Variants in GRM7 observed in about 807,000 individuals in gnomAD.
The protein encoded by GRM7 is metabotropic glutamate receptor 7.
GRM7 carries 35 observed loss-of-function variants against 84.5 expected under a neutral mutation model. The ratio of observed to expected loss-of-function variants is 0.41; its 90% CI spans 0.32 to 0.55. GRM7 has a LOEUF of 0.55. Ranked by LOEUF, GRM7 falls within the 20% of genes least tolerant of loss-of-function variation. The pLI is 0.19. For synonymous variants in GRM7, 487 were observed against 455.1 expected (o/e 1.07, Z -0.89); for missense variants, 1,003 against 1,194.6 (o/e 0.84, Z 2.36).
rs185254797 is a variant in GRM7, at chr3:7,099,469, A to G, written c.520-46983A>G. 7.9e-4 allele frequency among the ~76,000 whole-genome samples: 113 copies of G among 143,330 alleles called. 2 individuals are homozygous for G. The highest frequency in any genetic ancestry group is 3.6e-3 in the Middle Eastern group (1 of 276). 94.0% of individuals were successfully genotyped at this position (143,330 alleles called of 152,430 possible). ...TATGTACATGTACATACAAATACATATACACATATATGTATATGTACACGC... is the reference window on the plus strand; with the variant it reads ...TATGTACATGTACATACAAATACATGTACACATATATGTATATGTACACGC... On this transcript the variant is annotated intron_variant, in intron 1 of 9. Coordinates refer to ENST00000357716, the MANE Select transcript of GRM7 (RefSeq NM_000844.4).
intron 1 of GRM7, among the ~76,000 whole-genome samples, chr3:6,924,960 A>G (rs1434393694): frequency 6.6e-6 from 1 of 152,168 alleles, no homozygotes; most frequent in African/African-American, 2.4e-5. Flanking sequence ...CTTGTTTCAT[A>G]ATATAGGGAC....
chr3:6,935,959 T>A (rs921047289), intron 1 of GRM7, among the ~76,000 whole-genome samples: 6 of 152,110 alleles, frequency 3.9e-5, no homozygotes, highest in Non-Finnish European at 8.8e-5. Context: ...TCTACCCACC[T>A]CGGACTCCCT....
chr3:7,334,138 T>G (rs1412088376), intron 4 of GRM7, among the ~76,000 whole-genome samples: 1 of 151,990 alleles, frequency 6.6e-6, no homozygotes, highest in Non-Finnish European at 1.5e-5. Flanking sequence ...AAAAAGATGA[T>G]CACCTAGGCA....
rs116164675 is a variant in GRM7 at position 7,401,441 on chromosome 3, A to G, written c.1034-13582A>G. On this transcript the variant is annotated intron_variant, in intron 4 of 9. Coordinates refer to ENST00000357716, the MANE Select transcript of GRM7 (RefSeq NM_000844.4). ...ATGTTGCCATATGGCTTGAATACCA[A>G]GTTCATCCCATTGCTCTCTCTAAAA... is the stretch of plus-strand genomic sequence containing the variant. Among the ~76,000 whole-genome samples, 873 of 152,260 alleles carry G rather than the reference A, an allele frequency of 5.7e-3. 10 individuals are homozygous for G. The highest frequency in any genetic ancestry group is 0.019 in the African/African-American group (805 of 41,548).
At chr3:7,065,842 C>T (rs1210588450) in intron 1 of GRM7, among the ~76,000 whole-genome samples, 1 of 151,678 alleles carries the variant, frequency 6.6e-6, no homozygotes, top group Non-Finnish European at 1.5e-5. Flanking sequence ...TCTCAGACCA[C>T]AGTGGAATAC....
chr3:7,104,937 T>C (rs1386575898), intron 1 of GRM7, among the ~76,000 whole-genome samples: 1 of 151,858 alleles, frequency 6.6e-6, no homozygotes, highest in Non-Finnish European at 1.5e-5. Context: ...TAGATTAATA[T>C]ACACATGGCA....
At chr3:7,607,943 CT>C in intron 8 of GRM7, 1 of 194,228 alleles carries the variant, frequency 5.1e-6, no homozygotes, top group South Asian at 6.2e-5. Flanking sequence ...TTCATAAGTT[CT>C]TATTATTTAG....
intron 1 of GRM7, among the ~76,000 whole-genome samples, chr3:7,124,865 C>G (rs1693344949): frequency 1.3e-5 from 2 of 152,184 alleles, no homozygotes; most frequent in African/African-American, 4.8e-5. Context: ...TGAAATATAG[C>G]CATGTTCCAG....
chr3:7,021,575 A>T (rs541165964), intron 1 of GRM7, among the ~76,000 whole-genome samples: 2 of 152,210 alleles, frequency 1.3e-5, no homozygotes, highest in African/African-American at 4.8e-5. Context: ...AACATTTCTG[A>T]TGAATGAACT....
At chr3:7,469,778 A>G (rs1312323762) in intron 7 of GRM7, among the ~76,000 whole-genome samples, 1 of 152,208 alleles carries the variant, frequency 6.6e-6, no homozygotes, top group Non-Finnish European at 1.5e-5. Context: ...AATCTGTGAT[A>G]TTTTACAAAA....
At chr3:6,894,166 T>C (rs190328110) in intron 1 of GRM7, 6 of 152,296 alleles carry the variant, frequency 3.9e-5, no homozygotes, top group Admixed American at 6.5e-5. Flanking sequence ...ATAGTGATCC[T>C]GAGTACACCT....
At chr3:7,455,475 A>G (rs995653205) in intron 6 of GRM7, among the ~76,000 whole-genome samples, 1 of 152,186 alleles carries the variant, frequency 6.6e-6, no homozygotes, top group African/African-American at 2.4e-5. Context: ...ATCATCACTT[A>G]TGAGACTCAT....
At chr3:7,405,098 A>G (rs1262149484) in intron 4 of GRM7, among the ~76,000 whole-genome samples, 2 of 152,190 alleles carry the variant, frequency 1.3e-5, no homozygotes, top group African/African-American at 4.8e-5. Flanking sequence ...CTCTGGGCAT[A>G]GTAGTCACCT....
intron 1 of GRM7, among the ~76,000 whole-genome samples, chr3:7,005,761 A>G (rs188542483): frequency 2.0e-5 from 3 of 152,330 alleles, no homozygotes; most frequent in Admixed American, 2.0e-4. Context: ...AATGACATCA[A>G]GTTATTGGCT....
intron 9 of GRM7, among the ~76,000 whole-genome samples, chr3:7,726,077 G>C (rs904915754): frequency 2.6e-5 from 4 of 152,062 alleles, no homozygotes; most frequent in African/African-American, 9.7e-5. Context: ...TGGAAGAAAG[G>C]GTCATTTTGT....
chr3:7,342,967 C>A (rs922906633), intron 4 of GRM7, among the ~76,000 whole-genome samples: 1 of 152,108 alleles, frequency 6.6e-6, no homozygotes, highest in Non-Finnish European at 1.5e-5. Context: ...CCAGTGAGTT[C>A]ACAGATGTTA....
At chr3:7,483,852 T>TA (rs1422447990) in intron 7 of GRM7, among the ~76,000 whole-genome samples, 13 of 151,992 alleles carry the variant, frequency 8.6e-5, no homozygotes, top group Non-Finnish European at 1.6e-4. Context: ...AGGAATATTA[T>TA]AAAACACGCA....
At chr3:7,181,860 C>G (rs1236411923) in intron 2 of GRM7, among the ~76,000 whole-genome samples, 1 of 152,136 alleles carries the variant, frequency 6.6e-6, no homozygotes, top group Non-Finnish European at 1.5e-5. Flanking sequence ...ATCCTCCCTC[C>G]TTGGCCTCCT....
At chr3:7,631,331 G>A (rs1697851136) in intron 8 of GRM7, among the ~76,000 whole-genome samples, 2 of 151,620 alleles carry the variant, frequency 1.3e-5, no homozygotes, top group Admixed American at 6.6e-5. Context: ...CCGGCAGTAG[G>A]GAGTATTCAG....
Sources: allele counts gnomAD v4.1 joint callset (sites outside exome capture counted in the v4.1 genomes callset), GRCh38; gene constraint gnomAD v4.1.1; transcripts MANE v1.5; gene names NCBI Gene and HGNC (gene_info 2026-07-23, HGNC 2026-07-21).